Variants in PIR observed in about 807,000 individuals in gnomAD.
PIR encodes the protein pirin, also known as pirin (iron-binding nuclear protein).
Under a neutral mutation model 24.2 loss-of-function variants are expected in PIR, and 22 were observed. That is an observed-to-expected ratio of 0.91 (90% CI 0.65 to 1.30). The LOEUF is 1.30. PIR is among the 50% of genes most tolerant of loss of function. PIR has a pLI of 0.00. For missense variants in PIR, 220 were observed against 220.3 expected (o/e 1.00, Z 0.01); for synonymous variants, 80 against 79.6 (o/e 1.00, Z -0.03).
rs1020110416 is a variant in PIR at position 15,427,905 on chromosome X, T to A, written c.481-1915A>T. Among the ~76,000 whole-genome samples, 13 of 111,196 alleles carry A rather than the reference T, an allele frequency of 1.2e-4. No homozygotes were observed. In the East Asian group the frequency reaches 1.7e-3, roughly 14 times the overall value. On this transcript the variant is annotated intron_variant, in intron 5 of 9. Transcript: ENST00000380420. The stretch of plus-strand genomic sequence containing the variant: ...ATTCATCAACATCTTCACCTACATG[T>A]AGCAAAATGCTTCTCTTCAGGACAG...
At chrX:15,412,244 ATCT>A (rs771549370) in intron 6 of PIR, among the ~76,000 whole-genome samples, 271 of 111,919 alleles carry the variant, frequency 2.4e-3, no homozygotes, top group Non-Finnish European at 2.9e-3. Context: ...GTCATGTCTA[ATCT>A]TCTTTCATTT....
At chrX:15,441,671 G>A (rs1468767716) in intron 5 of PIR, among the ~76,000 whole-genome samples, 1 of 111,623 alleles carries the variant, frequency 9.0e-6, no homozygotes, top group Non-Finnish European at 1.9e-5. Flanking sequence ...TAATCCCTGA[G>A]GATGAGGGGG....
chrX:15,432,810 G>A (rs1471373122), intron 5 of PIR, among the ~76,000 whole-genome samples: 1 of 112,154 alleles, frequency 8.9e-6, no homozygotes, highest in Non-Finnish European at 1.9e-5. Context: ...GAGGATGCTG[G>A]AGTAGGCCAG....
At chrX:15,428,708 C>T (rs1287152968) in intron 5 of PIR, among the ~76,000 whole-genome samples, 1 of 110,673 alleles carries the variant, frequency 9.0e-6, no homozygotes, top group East Asian at 2.8e-4. Flanking sequence ...GGGATTTCGC[C>T]ATGTTGCCCA....
chrX:15,462,670 T>C (rs902467141), intron 3 of PIR, among the ~76,000 whole-genome samples: 11 of 112,471 alleles, frequency 9.8e-5, no homozygotes, highest in African/African-American at 3.5e-4. Flanking sequence ...AAATAGTCTT[T>C]TTTCACATGA....
At chrX:15,434,479 G>A (rs1925682522) in intron 5 of PIR, among the ~76,000 whole-genome samples, 1 of 110,081 alleles carries the variant, frequency 9.1e-6, no homozygotes, top group African/African-American at 3.3e-5. Flanking sequence ...AGAGGGAGAG[G>A]GAGAAGGAGA....
At chrX:15,482,952 TTTTC>T (rs1168736450) in intron 2 of PIR, among the ~76,000 whole-genome samples, 1 of 110,813 alleles carries the variant, frequency 9.0e-6, no homozygotes, top group African/African-American at 3.3e-5. Context: ...ATTTTCCATT[TTTTC>T]TTTCTTTCTT....
At chrX:15,485,043 C>A (rs760128357) in intron 2 of PIR, among the ~76,000 whole-genome samples, 2 of 111,958 alleles carry the variant, frequency 1.8e-5, no homozygotes, top group South Asian at 7.5e-4. Context: ...GCCAAATGAC[C>A]ATTTCACCAT....
At chrX:15,402,473 T>C (rs757145421) in intron 7 of PIR, among the ~76,000 whole-genome samples, 6 of 111,796 alleles carry the variant, frequency 5.4e-5, no homozygotes, top group Non-Finnish European at 9.4e-5. Context: ...AATCACATCG[T>C]GGAGCATGGG....
intron 5 of PIR, among the ~76,000 whole-genome samples, chrX:15,445,440 C>T (rs1926056587): frequency 9.0e-6 from 1 of 111,107 alleles, no homozygotes; most frequent in African/African-American, 3.3e-5. Flanking sequence ...ATGTAAACGA[C>T]GCGTTGATGG....
chrX:15,391,551 T>C (rs1193471301), intron 8 of PIR, among the ~76,000 whole-genome samples: 1 of 112,219 alleles, frequency 8.9e-6, no homozygotes, highest in African/African-American at 3.2e-5. Context: ...ATCATACATA[T>C]ATACACTTTT....
chrX:15,477,658 G>A (rs943085097), intron 3 of PIR, among the ~76,000 whole-genome samples: 1 of 75,943 alleles, frequency 1.3e-5, no homozygotes, highest in African/African-American at 5.3e-5. Context: ...TTTAAACAGT[G>A]AAATTACCCA....
chrX:15,442,811 A>T (rs1331761333), intron 5 of PIR, among the ~76,000 whole-genome samples: 1 of 112,213 alleles, frequency 8.9e-6, no homozygotes, highest in Non-Finnish European at 1.9e-5. Flanking sequence ...GCAGAAGAAA[A>T]GTTGGAAGCT....
chrX:15,459,862 G>A, intron 3 of PIR, 122 bp from the exon 4 acceptor site: 1 of 339,735 alleles, frequency 2.9e-6, no homozygotes, highest in African/African-American at 2.6e-5. Context: ...ATCCCTTATT[G>A]GATAATATGG....
At chrX:15,464,329 T>C in intron 3 of PIR, 2 of 581,395 alleles carry the variant, frequency 3.4e-6, no homozygotes, top group Middle Eastern at 1.0e-3. Context: ...TCTGACAGTT[T>C]GAATTTTCTG....
At chrX:15,464,414 A>G (rs938054458) in intron 3 of PIR, 9 of 752,656 alleles carry the variant, frequency 1.2e-5, no homozygotes, top group Non-Finnish European at 1.3e-5. Flanking sequence ...GCCGCTAATC[A>G]GTGGATGAAA....
chrX:15,436,045 T>C (rs1925740404), intron 5 of PIR, among the ~76,000 whole-genome samples: 1 of 112,053 alleles, frequency 8.9e-6, no homozygotes, highest in South Asian at 3.7e-4. Context: ...ATACATGAAG[T>C]GTTACACAAA....
chrX:15,432,652 G>A (rs1235379594), intron 5 of PIR, among the ~76,000 whole-genome samples: 1 of 111,928 alleles, frequency 8.9e-6, no homozygotes, highest in East Asian at 2.8e-4. Context: ...TCAGATATAG[G>A]CCATAGTATG....
At chrX:15,480,295 T>C (rs2147081820) in intron 2 of PIR, among the ~76,000 whole-genome samples, 1 of 111,397 alleles carries the variant, frequency 9.0e-6, no homozygotes, top group African/African-American at 3.3e-5. Context: ...CCTCTTTCTT[T>C]TGTAAATTGC....
Sources: allele counts gnomAD v4.1 joint callset (sites outside exome capture counted in the v4.1 genomes callset), GRCh38; gene constraint gnomAD v4.1.1; transcripts MANE v1.5; gene names NCBI Gene and HGNC (gene_info 2026-07-23, HGNC 2026-07-21).